Variants in LRRC43 observed in about 807,000 individuals in gnomAD.
LRRC43 encodes the protein leucine rich repeat containing 43.
LRRC43 carries 62 observed loss-of-function variants against 64.3 expected under a neutral mutation model. The ratio of observed to expected loss-of-function variants is 0.96; its 90% CI spans 0.79 to 1.19. LRRC43 has a LOEUF of 1.19. Ranked by LOEUF, LRRC43 falls within the 50% of genes most tolerant of loss-of-function variation. The probability of loss-of-function intolerance (pLI) is 0.00; values close to 1 mark genes in which losing one functional copy is unlikely to be tolerated. For synonymous variants in LRRC43, 422 were observed against 382.3 expected, an observed-to-expected ratio of 1.10 and a Z score of -1.21; for missense variants, 868 against 845.0, an observed-to-expected ratio of 1.03 and a Z score of -0.34.
At chr12:122,199,071 A>C (rs1953803966) in intron 7 of LRRC43, among the ~76,000 whole-genome samples, 1 of 150,128 alleles carries the variant, frequency 6.7e-6, no homozygotes, top group Non-Finnish European at 1.5e-5. Flanking sequence ...TCCACCTCCC[A>C]GGTTCAACGT....
rs1393898832 is a variant in LRRC43, at chr12:122,203,436, C to G, written c.1965C>G (p.Ala655=). The G allele has an allele frequency of 6.2e-7, 1 of 1,610,292 alleles. No homozygotes were observed. The highest frequency in any genetic ancestry group is 8.5e-7 in the Non-Finnish European group (1 of 1,179,526). ...CGGAGGAGGCTCTGCGCATGTTCGC[C>G]GTGTAGGGCGTGGGCAGTAAAGGCT... ...RSAEEALRMF[A]V Residue 655 remains alanine, a synonymous_variant, in exon 12 of 12, where the codon GCC becomes GCG. Transcript: ENST00000339777.
At chr12:122,201,202 T>A in intron 10 of LRRC43, 94 bp from the exon 11 acceptor site, 1 of 1,295,218 alleles carries the variant, frequency 7.7e-7, no homozygotes, top group Non-Finnish European at 1.1e-6. Context: ...CCTGGACCTG[T>A]CAGAGCCTTG....
rs767436460 is a variant in LRRC43, at chr12:122,173,905, C to T, written c.-406+6123C>T. 3.1e-6 allele frequency: 5 copies of T among 1,614,154 alleles called. No homozygotes were observed. In the East Asian group the frequency reaches 1.1e-4, roughly 36 times the overall value. On this transcript the variant is annotated intron_variant, in intron 1 of 5. Transcript: ENST00000537729. ...CTCGACTATTTTCTGTACATCATCA[C>T]TTGGTCGTAGTAAACGGACGGGCAA...
rs138172345 is a variant in LRRC43, at chr12:122,190,278, A to C, written c.811A>C (p.Ile271Leu). Residue 271 changes from isoleucine to leucine, a missense_variant, in exon 5 of 12, where the codon ATC (isoleucine) becomes CTC (leucine). By Grantham distance (5) the Ile-to-Leu change is conservative (BLOSUM62 2). Transcript: ENST00000339777. ...ALVPYYRGLT[I>L]DSLAQLCVLD... ...GGTGCCCTACTACCGCGGCCTCACC[A>C]TCGACAGCCTGGCCCAGCTCTGCGT... 2 of 1,614,062 alleles carry C rather than the reference A, an allele frequency of 1.2e-6. No individual in the cohort carries two copies. The highest frequency in any genetic ancestry group is 1.7e-6 in the Non-Finnish European group (2 of 1,179,982).
At chr12:122,168,215 C>T (rs540787810) in intron 1 of LRRC43, among the ~76,000 whole-genome samples, 12 of 148,712 alleles carry the variant, frequency 8.1e-5, no homozygotes, top group African/African-American at 2.7e-4. Context: ...CCAAGGTGGG[C>T]GGATCACTCA....
Position 122,203,405 on chromosome 12 carries a change from G to A in LRRC43, c.1934G>A (p.Arg645His), listed in dbSNP as rs1461909741. 2.5e-6 allele frequency: 4 copies of A among 1,612,030 alleles called. No individual in the cohort carries two copies. Among genetic ancestry groups the A allele is most frequent in the African/African-American group, 1.3e-5 (1 of 74,882 alleles). The stretch of plus-strand genomic sequence containing the variant: ...GTGCAGATCCAGCTGAACCAGTGCC[G>A]CTCGGCGGAGGAGGCTCTGCGCATG... ...VEVQIQLNQC[R>H]SAEEALRMFA... The change falls in exon 12 of 12, where the codon CGC (arginine) becomes CAC (histidine). Residue 645 changes from arginine to histidine, a missense_variant. Coordinates refer to ENST00000339777, the MANE Select transcript of LRRC43 (RefSeq NM_001098519.2).
In LRRC43 at chr12:122,184,790, G is replaced by C; in HGVS notation, c.411+11G>C. On this transcript the variant is annotated intron_variant, in intron 2 of 11. Transcript: ENST00000339777. This position sits in a 1 kb window ranked among gnomAD's most constrained non-coding sequence, Gnocchi z 4.0. Reference sequence around the variant, plus strand: ...GTAATAGACAAGAAGGTCAGTGCTGGGCACGTGGTAGGTGATGTTAGGGTG... The same window carrying C: ...GTAATAGACAAGAAGGTCAGTGCTGCGCACGTGGTAGGTGATGTTAGGGTG... 1 of 1,587,486 alleles carries C rather than the reference G, an allele frequency of 6.3e-7. No individual in the cohort carries two copies. The highest frequency in any genetic ancestry group is 8.6e-7 in the Non-Finnish European group (1 of 1,166,898).
At position 122,200,154 on chromosome 12, in the gene LRRC43, G is replaced by A; in HGVS notation, c.1350-35G>A. The A allele has an allele frequency of 2.5e-6, 4 of 1,603,550 alleles. No homozygotes were observed. The highest frequency in any genetic ancestry group is 3.4e-6 in the Non-Finnish European group (4 of 1,174,534). Reference sequence around the variant, plus strand: ...GGGTCCCTGGCCACAGCCCCTGGGTGACGGCACCCCCGTCTTCATCCCTCC... The same window carrying A: ...GGGTCCCTGGCCACAGCCCCTGGGTAACGGCACCCCCGTCTTCATCCCTCC... On this transcript the variant is annotated intron_variant, in intron 7 of 11. Transcript: ENST00000339777. This position sits in a 1 kb window ranked among gnomAD's most constrained non-coding sequence, Gnocchi z 4.6.
At chr12:122,175,273 A>G (rs1212901019) in intron 1 of LRRC43, among the ~76,000 whole-genome samples, 5 of 150,882 alleles carry the variant, frequency 3.3e-5, no homozygotes, top group Admixed American at 6.6e-5. Flanking sequence ...AGGTTCAAGC[A>G]ATTCTCTTGC....
intron 7 of LRRC43, among the ~76,000 whole-genome samples, chr12:122,196,839 A>G (rs1953777364): frequency 6.6e-6 from 1 of 152,174 alleles, no homozygotes. Flanking sequence ...ACATATGTTA[A>G]TGTCACAAGT....
chr12:122,173,878 T>G, intron 1 of LRRC43: 1 of 1,614,092 alleles, frequency 6.2e-7, no homozygotes, highest in Non-Finnish European at 8.5e-7. Flanking sequence ...GGACTGTAAT[T>G]CCTCGACTAT....
intron 4 of LRRC43, 79 bp from the exon 5 acceptor site, chr12:122,190,051 C>T: frequency 8.7e-7 from 1 of 1,151,490 alleles, no homozygotes; most frequent in Non-Finnish European, 1.3e-6. Flanking sequence ...CCCAGGCTCC[C>T]CGTCCGTTTT....
upstream of LRRC43, among the ~76,000 whole-genome samples, chr12:122,181,108 C>T (rs1436000880): frequency 6.6e-6 from 1 of 151,770 alleles, no homozygotes; most frequent in Admixed American, 6.6e-5. Flanking sequence ...GTCCCAGCCA[C>T]TCAGGAGGCT....
At position 122,186,206 on chromosome 12, in the gene LRRC43, A is replaced by G. The variant is rs1298661320; in HGVS notation, c.428A>G (p.Lys143Arg). 1 of 1,597,440 alleles carries G rather than the reference A, an allele frequency of 6.3e-7. No individual in the cohort carries two copies. The highest frequency in any genetic ancestry group is 1.7e-5 in the Admixed American group (1 of 57,780). ...CTCTTCCAGGTCACCCTGGTGGATA[A>G]AGACCTCCTGAAATTTCTAAAGCTG... is the stretch of plus-strand genomic sequence containing the variant. ...VIDKKVTLVDKDLLKFLKLEE... is the reference protein window; with the variant it reads ...VIDKKVTLVDRDLLKFLKLEE... The change falls in exon 3 of 12, where the codon AAA becomes AGA. Residue 143 changes from lysine (K) to arginine (R), a missense_variant. Physicochemically the swap from Lys to Arg is conservative, Grantham distance 26. Transcript: ENST00000339777.
Position 122,186,310 on chromosome 12 carries a change from C to A in LRRC43, c.522+10C>A, listed in dbSNP as rs1209686594. 30 of 1,555,852 alleles carry A rather than the reference C, an allele frequency of 1.9e-5. No individual in the cohort carries two copies. Among genetic ancestry groups the A allele is most frequent in the Non-Finnish European group, 2.6e-5 (30 of 1,141,390 alleles). On this transcript the variant is annotated intron_variant, in intron 3 of 11. Transcript: ENST00000339777. ...GCCCCCCACACTCAAGGTGAAGGAGCCCCGGTCTGTGTTGAGTATTTGGGC... is the reference window on the plus strand; with the variant it reads ...GCCCCCCACACTCAAGGTGAAGGAGACCCGGTCTGTGTTGAGTATTTGGGC...
At chr12:122,186,369 C>A in intron 3 of LRRC43, 69 bp downstream of exon 3, 5 of 990,794 alleles carry the variant, frequency 5.0e-6, no homozygotes, top group Non-Finnish European at 6.2e-6. Context: ...TTACCCTGCC[C>A]CACATAGTGT....
At chr12:122,168,363 C>A (rs563275475) in intron 1 of LRRC43, among the ~76,000 whole-genome samples, 26 of 151,638 alleles carry the variant, frequency 1.7e-4, no homozygotes, top group Non-Finnish European at 3.7e-4. Flanking sequence ...ATTGCTAGAA[C>A]CTGGGACGTG....
Position 122,201,307 on chromosome 12 carries a change from G to T in LRRC43, c.1821G>T (p.Lys607Asn). The change falls in exon 11 of 12, where the codon AAG (lysine) becomes AAT (asparagine). Residue 607 changes from lysine (K) to asparagine (N), a missense_variant. Coordinates refer to ENST00000339777, the MANE Select transcript of LRRC43 (RefSeq NM_001098519.2). ...GTTCTTTCTCTCAGGATTCAAAGAA[G>T]ATTAAGAAAGTTGCCAAAAAAGGTG... is the stretch of plus-strand genomic sequence containing the variant. ...DRLTLARDSK[K>N]IKKVAKKEKP... The T allele has an allele frequency of 6.2e-7, 1 of 1,614,094 alleles. No homozygotes were observed. The highest frequency in any genetic ancestry group is 8.5e-7 in the Non-Finnish European group (1 of 1,179,950).
In LRRC43 at chr12:122,183,231, G is replaced by A; in HGVS notation, c.87G>A (p.Ala29=). 1 of 1,568,480 alleles carries A rather than the reference G, an allele frequency of 6.4e-7. No homozygotes were observed. The highest frequency in any genetic ancestry group is 1.8e-5 in the Admixed American group (1 of 57,004). ...GGCCCGGGACCGGGACCGTGAGCGC[G>A]GCCGTGCGCGAGCACTTGCGGAAGC... ...TQRPGTGTVS[A]AVREHLRKLC... is the part of the protein sequence containing the mutation. The change falls in exon 1 of 12, where the codon GCG becomes GCA. Residue 29 remains alanine, a synonymous_variant. Coordinates refer to ENST00000339777, the MANE Select transcript of LRRC43 (RefSeq NM_001098519.2).
Sources: allele counts gnomAD v4.1 joint callset (sites outside exome capture counted in the v4.1 genomes callset), GRCh38; gene constraint gnomAD v4.1.1; non-coding constraint Gnocchi (gnomAD v3.1); transcripts MANE v1.5; gene names NCBI Gene and HGNC (gene_info 2026-07-23, HGNC 2026-07-21).